Variants in WDFY1 observed in about 807,000 individuals in gnomAD.
WDFY1 encodes WD repeat and FYVE domain-containing protein 1.
WDFY1 carries 32 observed loss-of-function variants against 56.4 expected under a neutral mutation model. The observed-to-expected ratio is 0.57, with a 90% confidence interval of 0.43 to 0.76. WDFY1 has a LOEUF of 0.76. WDFY1 is among the 30% of genes least tolerant of loss of function. The pLI, the probability that WDFY1 is intolerant of heterozygous loss-of-function variation, is 0.00. For synonymous variants in WDFY1, 192 were observed against 197.3 expected (o/e 0.97, Z 0.23); for missense variants, 480 against 545.7 (o/e 0.88, Z 1.20).
intron 4 of WDFY1, among the ~76,000 whole-genome samples, chr2:223,903,646 TTG>T (rs59208872): frequency 0.8 from 101,464 of 127,426 alleles, 39,798 homozygotes; most frequent in Non-Finnish European, 0.89. Flanking sequence ...CACACGTTTT[TTG>T]TTTTTTTTTT....
rs749583332 is a variant in WDFY1, at chr2:223,918,035, T to C, written c.138-25A>G. Reference sequence around the variant, plus strand: ...TCTGTGGAGAAAAGAAAAGAAAAAATAGAGTAGGTTTTAGTAATTTTATCT... The same window carrying C: ...TCTGTGGAGAAAAGAAAAGAAAAAACAGAGTAGGTTTTAGTAATTTTATCT... On this transcript the variant is annotated intron_variant, in intron 1 of 11. Coordinates refer to ENST00000233055, the MANE Select transcript of WDFY1 (RefSeq NM_020830.5). 43 of 1,607,910 alleles carry C rather than the reference T, an allele frequency of 2.7e-5. 1 individual carries two copies. The South Asian group carries it at 4.4e-4, about 16-fold the overall frequency.
chr2:223,909,744 G>A (rs1277306235), intron 3 of WDFY1, among the ~76,000 whole-genome samples: 3 of 152,056 alleles, frequency 2.0e-5, no homozygotes, highest in African/African-American at 7.2e-5. Context: ...ATGTCTCCAA[G>A]ACTTATCTCA....
rs71058956 is a variant in WDFY1, at chr2:223,896,155, CAAAAAAAAAAA to C, written c.599-536_599-526del. Among the ~76,000 whole-genome samples the C allele has an allele frequency of 3.2e-3, 128 of 39,848 alleles. 2 individuals carry two copies. Among genetic ancestry groups the C allele is most frequent in the African/African-American group, 0.012 (116 of 9,490 alleles). The allele number at this position is 39,848 out of a possible 152,430, so 26.1% of individuals were successfully genotyped here. The stretch of plus-strand genomic sequence containing the variant: ...TGGGTGACAGAGTGAGACTCTGTCT[CAAAAAAAAAAA>C]AAAAAAAAAAAAAAAAACTGCTTGT... On this transcript the variant is annotated intron_variant, in intron 6 of 11. Transcript: ENST00000233055.
At chr2:223,884,127 T>C (rs1337579018) in intron 9 of WDFY1, among the ~76,000 whole-genome samples, 1 of 151,928 alleles carries the variant, frequency 6.6e-6, no homozygotes, top group Non-Finnish European at 1.5e-5. Flanking sequence ...TTGGAACATA[T>C]TTCTTTAATT....
rs769328096 is a variant in WDFY1, at chr2:223,884,780, A to C, written c.832-31T>G. The stretch of plus-strand genomic sequence containing the variant: ...GGAGCAGAAAGTCAAAGCCACCATC[A>C]GTGTGTCTATATTTACTCCCATGTT... On this transcript the variant is annotated intron_variant, in intron 8 of 11. Transcript: ENST00000233055. 10 of 1,591,300 alleles carry C rather than the reference A, an allele frequency of 6.3e-6. No homozygotes were observed. The African/African-American group carries it at 1.3e-4, about 21-fold the overall frequency.
chr2:223,930,399 G>A (rs375398829), intron 1 of WDFY1, among the ~76,000 whole-genome samples: 6 of 152,088 alleles, frequency 3.9e-5, no homozygotes, highest in African/African-American at 7.2e-5. Context: ...GCTTGATCTC[G>A]GCTCACTGCA....
chr2:223,884,783 G>A (rs372248957), intron 8 of WDFY1, 34 bp from the exon 9 acceptor site: 4 of 1,582,988 alleles, frequency 2.5e-6, no homozygotes, highest in Non-Finnish European at 3.5e-6. Context: ...CACCATCAGT[G>A]TGTCTATATT....
chr2:223,918,583 A>C (rs1004996735), intron 1 of WDFY1, among the ~76,000 whole-genome samples: 5 of 151,750 alleles, frequency 3.3e-5, no homozygotes, highest in African/African-American at 1.2e-4. Context: ...GTGAGCCGAG[A>C]TTGCGCCACT....
In WDFY1 at chr2:223,894,346, A is replaced by G. The variant is rs1693326367; in HGVS notation, c.726-7T>C. The stretch of plus-strand genomic sequence containing the variant: ...CAGCGACTGCACCTTGTCACTGCAA[A>G]CAGCACACACAACAGTCACTTGTCT... On this transcript the variant is annotated splice_region_variant and splice_polypyrimidine_tract_variant and intron_variant, in intron 7 of 11. Coordinates refer to ENST00000233055, the MANE Select transcript of WDFY1 (RefSeq NM_020830.5). 1.2e-6 allele frequency: 2 copies of G among 1,614,040 alleles called. No homozygotes were observed. The highest frequency in any genetic ancestry group is 4.5e-5 in the East Asian group (2 of 44,872).
chr2:223,904,549 G>T (rs906716150), intron 4 of WDFY1, among the ~76,000 whole-genome samples: 2 of 152,002 alleles, frequency 1.3e-5, no homozygotes, highest in African/African-American at 4.8e-5. Context: ...CACCGTGCCT[G>T]GATGCTTTTC....
intron 6 of WDFY1, among the ~76,000 whole-genome samples, chr2:223,897,331 T>C (rs1380009411): frequency 6.8e-6 from 1 of 146,386 alleles, no homozygotes; most frequent in African/African-American, 2.5e-5. Flanking sequence ...AGTTTAGACA[T>C]GTGTCCCCTC....
At chr2:223,893,529 CAAA>C (rs61458649) in intron 8 of WDFY1, among the ~76,000 whole-genome samples, 1 of 135,764 alleles carries the variant, frequency 7.4e-6, no homozygotes, top group Non-Finnish European at 1.6e-5. Context: ...GACCCTGTCT[CAAA>C]AAAAAAAAAG....
chr2:223,897,985 C>A (rs1009080359), intron 6 of WDFY1, among the ~76,000 whole-genome samples: 1 of 152,116 alleles, frequency 6.6e-6, no homozygotes, highest in Admixed American at 6.5e-5. Context: ...ATCCACGAAC[C>A]AATTAAACCT....
At chr2:223,942,549 G>T (rs1391799410) in intron 1 of WDFY1, among the ~76,000 whole-genome samples, 2 of 6,414 alleles carry the variant, frequency 3.1e-4, no homozygotes, top group Non-Finnish European at 6.8e-4. Flanking sequence ...TTTTTTTTGA[G>T]ACGGAGTCTC....
rs138970177 is a variant in WDFY1, at chr2:223,879,106, G to C, written c.1174-376C>G. On this transcript the variant is annotated intron_variant, in intron 11 of 11. Transcript: ENST00000233055. ...AGAGGCTGAGGTGGGAGGATCACCTGAGCCCAGAAGGCAGAGGTTGCACTG... is the reference window on the plus strand; with the variant it reads ...AGAGGCTGAGGTGGGAGGATCACCTCAGCCCAGAAGGCAGAGGTTGCACTG... Among the ~76,000 whole-genome samples the C allele has an allele frequency of 4.4e-4, 67 of 152,310 alleles. No homozygotes were observed. In the East Asian group the frequency reaches 7.0e-3, roughly 16 times the overall value.
chr2:223,903,986 A>C (rs1693555515), intron 4 of WDFY1, among the ~76,000 whole-genome samples: 1 of 152,194 alleles, frequency 6.6e-6, no homozygotes, highest in Admixed American at 6.5e-5. Context: ...AAGGGTCTCC[A>C]AGCCTGGCAT....
At chr2:223,898,907 T>C in intron 6 of WDFY1, 51 bp downstream of exon 6, 8 of 1,392,228 alleles carry the variant, frequency 5.7e-6, no homozygotes, top group Non-Finnish European at 8.2e-6. Flanking sequence ...AGAACTGAAT[T>C]TGGATGTCCA....
intron 2 of WDFY1, among the ~76,000 whole-genome samples, chr2:223,915,602 T>C (rs1221745619): frequency 6.6e-6 from 1 of 152,188 alleles, no homozygotes; most frequent in Non-Finnish European, 1.5e-5. Context: ...AAAATGCTAA[T>C]GATGGAGGAA....
chr2:223,912,353 C>A (rs748101276), intron 2 of WDFY1, 27 bp from the exon 3 acceptor site: 3 of 1,580,866 alleles, frequency 1.9e-6, no homozygotes, highest in South Asian at 2.4e-5. Context: ...GACCACATTA[C>A]CAGCAAAGCT....
Sources: allele counts gnomAD v4.1 joint callset (sites outside exome capture counted in the v4.1 genomes callset), GRCh38; gene constraint gnomAD v4.1.1; transcripts MANE v1.5; gene names NCBI Gene and HGNC (gene_info 2026-07-23, HGNC 2026-07-21).